TMEM131: variants seen among roughly 807,000 people sequenced by gnomAD.
TMEM131 encodes the protein 2610524E03Rik.
In TMEM131, 66 loss-of-function variants were observed where a neutral mutation model predicts 211.6. The observed-to-expected ratio is 0.31, with a 90% CI of 0.26 to 0.38. The LOEUF is 0.38. Among genes scored for constraint, TMEM131 ranks in the 10% least tolerant of loss-of-function variants. The pLI is 1.00. For synonymous variants in TMEM131, 844 were observed against 841.3 expected (o/e 1.00, Z -0.06); for missense variants, 2,036 against 2,299.3 (o/e 0.89, Z 2.34).
intron 2 of TMEM131, among the ~76,000 whole-genome samples, chr2:97,911,117 A>G (rs1296965307): frequency 6.6e-6 from 1 of 152,036 alleles, no homozygotes; most frequent in East Asian, 1.9e-4. Flanking sequence ...AGCAATAAAA[A>G]GAATAAGCTA....
intron 5 of TMEM131, among the ~76,000 whole-genome samples, chr2:97,848,501 TTAAA>T (rs1222051184): frequency 6.6e-6 from 1 of 152,240 alleles, no homozygotes; most frequent in Non-Finnish European, 1.5e-5. Context: ...TGGGGATACT[TTAAA>T]TAATCTCTAC....
At chr2:97,918,500 T>A (rs1195165318) in intron 2 of TMEM131, among the ~76,000 whole-genome samples, 3 of 151,854 alleles carry the variant, frequency 2.0e-5, no homozygotes, top group African/African-American at 7.3e-5. Context: ...TTACAGAAAA[T>A]TCACACCATA....
At chr2:97,834,476 CT>C (rs1324136300) in intron 10 of TMEM131, 144 bp downstream of exon 10, 1 of 698,782 alleles carries the variant, frequency 1.4e-6, no homozygotes, top group African/African-American at 1.9e-5. Flanking sequence ...GGCGCTGAGT[CT>C]GAAAAGGAGA....
At chr2:97,925,858 C>T (rs960673722) in intron 2 of TMEM131, among the ~76,000 whole-genome samples, 1 of 152,048 alleles carries the variant, frequency 6.6e-6, no homozygotes, top group African/African-American at 2.4e-5. Flanking sequence ...CACCTGTAAT[C>T]CTAGCACTTT....
At chr2:97,989,277 C>CAA (rs768850056) in intron 1 of TMEM131, among the ~76,000 whole-genome samples, 6,660 of 103,760 alleles carry the variant, frequency 0.064, 256 homozygotes, top group African/African-American at 0.15. Flanking sequence ...AAAAACAAAA[C>CAA]AAAAAAAAAA....
At chr2:97,941,009 T>C (rs1018339622) in intron 1 of TMEM131, among the ~76,000 whole-genome samples, 9 of 152,156 alleles carry the variant, frequency 5.9e-5, no homozygotes, top group Non-Finnish European at 4.4e-5. Context: ...AGAACCCACA[T>C]TGCCAAGACA....
chr2:97,885,780 G>A (rs1675132268), intron 4 of TMEM131, among the ~76,000 whole-genome samples: 1 of 152,142 alleles, frequency 6.6e-6, no homozygotes, highest in Non-Finnish European at 1.5e-5. Flanking sequence ...ACTCTAATTG[G>A]AATTCTTTGA....
At chr2:97,940,719 G>A (rs1416396998) in intron 1 of TMEM131, among the ~76,000 whole-genome samples, 1 of 151,224 alleles carries the variant, frequency 6.6e-6, no homozygotes, top group Admixed American at 6.6e-5. Context: ...TGAGGCAGGA[G>A]AATTGCGTGA....
At chr2:97,839,650 G>A (rs192523375) in intron 7 of TMEM131, among the ~76,000 whole-genome samples, 1 of 152,334 alleles carries the variant, frequency 6.6e-6, no homozygotes, top group East Asian at 1.9e-4. Context: ...GGTCTAGAAT[G>A]ATACATACAA....
chr2:97,906,700 G>A (rs1456809614), intron 3 of TMEM131, among the ~76,000 whole-genome samples: 3 of 152,146 alleles, frequency 2.0e-5, no homozygotes, highest in Non-Finnish European at 4.4e-5. Context: ...GTCCCAGCTA[G>A]AAACTAGCAT....
intron 1 of TMEM131, among the ~76,000 whole-genome samples, chr2:97,930,530 T>C (rs766576552): frequency 1.5e-4 from 23 of 152,006 alleles, no homozygotes; most frequent in Admixed American, 3.3e-4. Context: ...GAAAATACTA[T>C]GTTACACATC....
At chr2:97,960,739 A>G (rs1283972058) in intron 1 of TMEM131, among the ~76,000 whole-genome samples, 2 of 152,198 alleles carry the variant, frequency 1.3e-5, no homozygotes, top group African/African-American at 4.8e-5. Context: ...CAAAAACTAA[A>G]ACCAACAGAC....
intron 5 of TMEM131, among the ~76,000 whole-genome samples, chr2:97,853,745 C>T (rs918027705): frequency 1.3e-5 from 2 of 152,076 alleles, no homozygotes; most frequent in African/African-American, 2.4e-5. Flanking sequence ...GGAGAAGTCA[C>T]TGTAGATGTG....
chr2:97,871,928 T>C (rs1457615181), intron 4 of TMEM131, among the ~76,000 whole-genome samples: 2 of 143,716 alleles, frequency 1.4e-5, no homozygotes, highest in Non-Finnish European at 3.0e-5. Flanking sequence ...AGCACTGGCA[T>C]AAAAATGGGG....
chr2:97,800,312 G>A (rs942852561), intron 25 of TMEM131, among the ~76,000 whole-genome samples: 4 of 152,238 alleles, frequency 2.6e-5, no homozygotes, highest in South Asian at 2.1e-4. Context: ...CATTTCTGAC[G>A]TCTAGAGTAC....
rs1277150388 is a variant in TMEM131, at chr2:97,805,613, G to A, written c.2146C>T (p.Arg716Ter). Residue 716 changes from arginine to a stop codon, truncating the protein, a stop_gained, in exon 20 of 41, where the codon CGA becomes TGA. Coordinates refer to ENST00000186436, the MANE Select transcript of TMEM131 (RefSeq NM_015348.2). LOFTEE classifies it high-confidence loss of function. ...CCCCGTAATCGTTTATAGTAAAATC[G>A]CACATCTTCTGACAAAGATCGTATT... ...QQIRSLSEDV[R>*]FYYKRLRGNK... 2 of 1,610,740 alleles carry A rather than the reference G, an allele frequency of 1.2e-6. No homozygotes were observed. The highest frequency in any genetic ancestry group is 1.3e-5 in the African/African-American group (1 of 74,796).
In TMEM131 at chr2:97,840,802, T is replaced by G. The variant is rs943316813; in HGVS notation, c.723+1013A>C. The stretch of plus-strand genomic sequence containing the variant: ...GATGCAGACATCCAGCTACAAAAAT[T>G]AAAACTGGGGCTATCTTCACCCAGT... On this transcript the variant is annotated intron_variant, in intron 7 of 40. Coordinates refer to ENST00000186436, the MANE Select transcript of TMEM131 (RefSeq NM_015348.2). Among the ~76,000 whole-genome samples, 7 of 152,186 alleles carry G rather than the reference T, an allele frequency of 4.6e-5. No individual in the cohort carries two copies. The East Asian group carries it at 9.6e-4, about 21-fold the overall frequency.
intron 1 of TMEM131, among the ~76,000 whole-genome samples, chr2:97,968,394 G>A (rs916162146): frequency 1.3e-5 from 2 of 152,002 alleles, no homozygotes; most frequent in African/African-American, 2.4e-5. Flanking sequence ...AACTTCGGAC[G>A]TAAACATGGG....
intron 1 of TMEM131, among the ~76,000 whole-genome samples, chr2:97,987,489 G>A (rs1346474217): frequency 6.6e-6 from 1 of 152,016 alleles, no homozygotes; most frequent in Non-Finnish European, 1.5e-5. Context: ...GCAACAGAGT[G>A]AGTCTCTGTC....
Sources: allele counts gnomAD v4.1 joint callset (sites outside exome capture counted in the v4.1 genomes callset), GRCh38; gene constraint gnomAD v4.1.1; transcripts MANE v1.5; gene names NCBI Gene and HGNC (gene_info 2026-07-23, HGNC 2026-07-21).